The following CACNA1A variants were observed in gnomAD, a reference collection of about 807,000 sequenced individuals.
The protein encoded by CACNA1A is calcium voltage-gated channel subunit alpha1 A.
A neutral mutation model predicts 262.4 loss-of-function variants in CACNA1A; 57 were observed. The ratio of observed to expected loss-of-function variants is 0.22; its 90% CI spans 0.18 to 0.27. The LOEUF (loss-of-function observed/expected upper bound fraction) is 0.27, where lower values mean the gene tolerates loss of function less well. Among genes scored for constraint, CACNA1A ranks in the 10% least tolerant of loss-of-function variants. The probability of loss-of-function intolerance (pLI) is 1.00; values close to 1 mark genes in which losing one functional copy is unlikely to be tolerated. For missense variants in CACNA1A, 2,526 were observed against 3,562.8 expected, an observed-to-expected ratio of 0.71 and a Z score of 7.41; for synonymous variants, 1,431 against 1,419.3, an observed-to-expected ratio of 1.01 and a Z score of -0.18.
chr19:13,393,087 A>G (rs1311185379), intron 3 of CACNA1A, among the ~76,000 whole-genome samples: 1 of 152,104 alleles, frequency 6.6e-6, no homozygotes, highest in African/African-American at 2.4e-5. Flanking sequence ...GGCAGTTCCT[A>G]CCAAAGCTAA....
intron 30 of CACNA1A, among the ~76,000 whole-genome samples, chr19:13,248,082 C>T (rs1490859293): frequency 1.3e-5 from 2 of 152,156 alleles, no homozygotes; most frequent in Non-Finnish European, 2.9e-5. Context: ...CTTTCTGTCC[C>T]TGTGTCACTT....
chr19:13,373,923 C>A (rs1231274713), intron 3 of CACNA1A, among the ~76,000 whole-genome samples: 1 of 152,206 alleles, frequency 6.6e-6, no homozygotes, highest in Non-Finnish European at 1.5e-5. Context: ...ATGAGTGAAT[C>A]TGTTGCAGGT....
At chr19:13,245,427 T>TGAACCTAGAACTCTG in intron 30 of CACNA1A, 162 bp from the exon 31 acceptor site, 1 of 631,374 alleles carries the variant, frequency 1.6e-6, no homozygotes, top group Non-Finnish European at 2.9e-6. Context: ...CGACATCATC[T>TGAACCTAGAACTCTG]GTGCTGAGTC....
intron 3 of CACNA1A, among the ~76,000 whole-genome samples, chr19:13,420,019 G>C (rs2060291265): frequency 1.3e-5 from 2 of 151,832 alleles, no homozygotes; most frequent in Non-Finnish European, 2.9e-5. Context: ...CTGGAAGGTA[G>C]AGGTTGCAGT....
In CACNA1A at chr19:13,212,512, C is replaced by T. The variant is rs202002033; in HGVS notation, c.6061G>A (p.Glu2021Lys). Residue 2021 changes from glutamate (E) to lysine (K), a missense_variant, in exon 42 of 47, where the codon GAA becomes AAA. Transcript: ENST00000360228. The surrounding 1 kb of genome is among the most constrained non-coding windows in gnomAD (Gnocchi z 5.6). ...LDPGGALMAH[E>K]SGLKESPSWV... ...GACGGGCTCTCCTTGAGGCCGCTTT[C>T]GTGAGCCATCCTGCATGGGGGACAG... The T allele has an allele frequency of 1.0e-4, 160 of 1,572,858 alleles. No homozygotes were observed. The East Asian group carries it at 2.4e-3, about 23-fold the overall frequency.
chr19:13,273,396 C>A (rs1483156406), intron 24 of CACNA1A: 1 of 152,070 alleles, frequency 6.6e-6, no homozygotes, highest in Non-Finnish European at 1.5e-5. Context: ...TTTTACATTT[C>A]TCTGAATTCC....
intron 6 of CACNA1A, among the ~76,000 whole-genome samples, chr19:13,346,748 C>T (rs1158707725): frequency 4.8e-5 from 6 of 124,858 alleles, no homozygotes; most frequent in African/African-American, 1.6e-4. Context: ...GGCACGATCT[C>T]GGCTAACTGT....
intron 33 of CACNA1A, 39 bp downstream of exon 33, chr19:13,235,170 C>T (rs185231070): frequency 1.7e-4 from 267 of 1,603,742 alleles, no homozygotes; most frequent in Non-Finnish European, 2.2e-4. Context: ...GGCTGCCCTC[C>T]TTGGGAGGCT....
chr19:13,439,688 G>A (rs2144872025), intron 3 of CACNA1A, among the ~76,000 whole-genome samples: 1 of 152,140 alleles, frequency 6.6e-6, no homozygotes, highest in East Asian at 1.9e-4. Context: ...TGGGATTACA[G>A]GCGTGGGCCA....
chr19:13,336,597 GAGA>G (rs1568547403), intron 6 of CACNA1A, among the ~76,000 whole-genome samples: 9 of 102,986 alleles, frequency 8.7e-5, no homozygotes, highest in African/African-American at 4.2e-4. Context: ...GAGAGAGGGA[GAGA>G]GAGAGAGAGA....
intron 3 of CACNA1A, among the ~76,000 whole-genome samples, chr19:13,404,185 C>G (rs1240634508): frequency 1.4e-5 from 2 of 144,360 alleles, no homozygotes; most frequent in Non-Finnish European, 3.0e-5. Context: ...TATATATACA[C>G]ATATACACAC....
chr19:13,332,458 T>C (rs976040259), intron 9 of CACNA1A, among the ~76,000 whole-genome samples: 6 of 152,092 alleles, frequency 3.9e-5, no homozygotes, highest in East Asian at 1.9e-4. Context: ...GTTTCTAACA[T>C]GGGAGACAGC....
intron 1 of CACNA1A, among the ~76,000 whole-genome samples, chr19:13,499,700 C>T (rs903533172): frequency 6.6e-6 from 1 of 152,084 alleles, no homozygotes; most frequent in Non-Finnish European, 1.5e-5. Flanking sequence ...GGCTCTGGTG[C>T]CCAAGATAAC....
intron 3 of CACNA1A, among the ~76,000 whole-genome samples, chr19:13,448,709 G>A (rs1451684882): frequency 2.0e-5 from 3 of 152,150 alleles, no homozygotes; most frequent in Non-Finnish European, 4.4e-5. Context: ...GTGCCCTAGA[G>A]AAACTCACTT....
At chr19:13,253,134 G>A in intron 29 of CACNA1A, 33 bp from the exon 30 acceptor site, 1 of 1,402,362 alleles carries the variant, frequency 7.1e-7, no homozygotes, top group South Asian at 1.2e-5. Flanking sequence ...GCAGGGGTCA[G>A]CGAGCAGGGG....
chr19:13,399,505 T>C (rs1330178722), intron 3 of CACNA1A, among the ~76,000 whole-genome samples: 4 of 151,754 alleles, frequency 2.6e-5, no homozygotes, highest in African/African-American at 9.7e-5. Flanking sequence ...AACCATATTA[T>C]TCTTTGTCTT....
chr19:13,271,212 C>CTGTTTTTTTTGTTTTTTTTGTTTT (rs1568481318), intron 24 of CACNA1A: 1 of 96,986 alleles, frequency 1.0e-5, no homozygotes, highest in African/African-American at 4.1e-5. Flanking sequence ...AATCATTCTG[C>CTGTTTTTTTTGTTTTTTTTGTTTT]TGTTTTTTTT....
At chr19:13,489,809 G>T (rs1464446452) in intron 1 of CACNA1A, among the ~76,000 whole-genome samples, 1 of 152,032 alleles carries the variant, frequency 6.6e-6, no homozygotes, top group African/African-American at 2.4e-5. Flanking sequence ...CTACTCCTCA[G>T]ATCACCCTAA....
intron 3 of CACNA1A, among the ~76,000 whole-genome samples, chr19:13,404,509 T>A (rs1197531046): frequency 6.6e-6 from 1 of 152,088 alleles, no homozygotes; most frequent in Non-Finnish European, 1.5e-5. Flanking sequence ...CAGGAAGGCA[T>A]CCTCTCCCGA....
Sources: gnomAD v4.1 joint callset for allele counts (sites outside exome capture counted in the v4.1 genomes callset) on GRCh38, gnomAD v4.1.1 for gene constraint, Gnocchi (gnomAD v3.1) non-coding constraint, MANE v1.5 for transcripts, NCBI Gene and HGNC (gene_info 2026-07-23, HGNC 2026-07-21) for gene names.